The following RBP3 variants were observed in gnomAD, a reference collection of about 807,000 sequenced individuals.
RBP3 encodes the protein retinol-binding protein 3.
In RBP3, 50 loss-of-function variants were observed where a neutral mutation model predicts 64.8. The observed-to-expected ratio is 0.77, with a 90% CI of 0.61 to 0.98. RBP3 has a LOEUF of 0.98. RBP3 is among the 50% of genes least tolerant of loss of function. RBP3 has a pLI of 0.00. For synonymous variants in RBP3, 828 were observed against 730.2 expected, an observed-to-expected ratio of 1.13 and a Z score of -2.16; for missense variants, 1,712 against 1,660.5, an observed-to-expected ratio of 1.03 and a Z score of -0.54.
Position 47,352,311 on chromosome 10 carries a change from T to C in RBP3, c.3054+773T>C, listed in dbSNP as rs543463832. 3.9e-5 allele frequency among the ~76,000 whole-genome samples: 6 copies of C among 152,326 alleles called. No homozygotes were observed. In the East Asian group the frequency reaches 1.2e-3, roughly 29 times the overall value. ...TCTGCAGGCAGGGCCCAGTGGTTCC[T>C]GTCCCGCATTGGCCAAGAGTTGCCC... On this transcript the variant is annotated intron_variant, in intron 1 of 3. Transcript: ENST00000584701.
Position 47,353,349 on chromosome 10 carries a change from G to T in RBP3, c.3079G>T (p.Glu1027Ter), listed in dbSNP as rs1837003551. The T allele has an allele frequency of 2.5e-6, 4 of 1,614,054 alleles. No homozygotes were observed. Among genetic ancestry groups the T allele is most frequent in the Non-Finnish European group, 2.5e-6 (3 of 1,180,042 alleles). The change falls in exon 2 of 4, where the codon GAG (glutamate) becomes TAG (stop). Residue 1027 changes from glutamate (E) to a stop codon, truncating the protein, a stop_gained. Transcript: ENST00000584701. LOFTEE classifies it high-confidence loss of function. ...MQIPSPEVFE[E>*]LIKFSFHTNV... ...GATCCCTTCCCCTGAAGTATTTGAA[G>T]AGCTGATCAAGTTTTCCTTCCACAC...
Position 47,351,085 on chromosome 10 carries a change from C to T in RBP3, c.2601C>T (p.Val867=). 1 of 1,612,354 alleles carries T rather than the reference C, an allele frequency of 6.2e-7. No individual in the cohort carries two copies. Among genetic ancestry groups the T allele is most frequent in the Non-Finnish European group, 8.5e-7 (1 of 1,179,984 alleles). The change falls in exon 1 of 4, where the codon GTC becomes GTT. Residue 867 remains valine (V), a synonymous_variant. Coordinates refer to ENST00000584701, the MANE Select transcript of RBP3 (RefSeq NM_002900.3). ...TGCAGGACCTGCAGCGGGCCACGGT[C>T]ATTGGGGAGCCCACGGCCGGAGGCG... ...HTMQDLQRAT[V]IGEPTAGGAL...
At position 47,350,431 on chromosome 10, in the gene RBP3, C is replaced by A. The variant is rs782638114; in HGVS notation, c.1947C>A (p.Ala649=). The part of the protein sequence containing the change: ...LVEGTGHLLE[A]HYARPEVVGQ... The stretch of plus-strand genomic sequence containing the variant: ...AGGGCACAGGGCACCTGCTGGAGGC[C>A]CACTATGCTCGGCCAGAGGTCGTGG... Residue 649 remains alanine, a synonymous_variant, in exon 1 of 4, where the codon GCC becomes GCA. Transcript: ENST00000584701. The A allele has an allele frequency of 1.9e-6, 3 of 1,612,168 alleles. No homozygotes were observed. The highest frequency in any genetic ancestry group is 2.5e-6 in the Non-Finnish European group (3 of 1,179,810).
At position 47,351,176 on chromosome 10, in the gene RBP3, G is replaced by T; in HGVS notation, c.2692G>T (p.Ala898Ser). ...ATATGCATCCATGCCCACCCAGATG[G>T]CCATGAGTGCCACCACAGGCAAGGC... ...PLYASMPTQM[A>S]MSATTGKAWD... The change falls in exon 1 of 4, where the codon GCC becomes TCC. Residue 898 changes from alanine to serine, a missense_variant. Transcript: ENST00000584701. The T allele has an allele frequency of 6.2e-7, 1 of 1,613,140 alleles. No homozygotes were observed. The highest frequency in any genetic ancestry group is 8.5e-7 in the Non-Finnish European group (1 of 1,180,032).
chr10:47,351,457 G>C lies in RBP3; in HGVS notation c.2973G>C (p.Met991Ile), dbSNP rs781838577. The change falls in exon 1 of 4, where the codon ATG (methionine) becomes ATC (isoleucine). Residue 991 changes from methionine to isoleucine, a missense_variant. By Grantham distance (10) the Met-to-Ile change is conservative (BLOSUM62 1). Transcript: ENST00000584701. Reference protein sequence around the residue: ...LAEILGADLQMLSGDPHLKAA... With the variant: ...LAEILGADLQILSGDPHLKAA... ...AGATCCTGGGGGCTGACCTGCAGAT[G>C]CTCTCCGGAGACCCACACCTGAAGG... 6.2e-7 allele frequency: 1 copy of C among 1,613,732 alleles called. No homozygotes were observed. The highest frequency in any genetic ancestry group is 1.7e-5 in the Admixed American group (1 of 60,012).
Position 47,348,782 on chromosome 10 carries a change from C to G in RBP3, c.298C>G (p.Pro100Ala), listed in dbSNP as rs560668153. ...SYEPSTPEPPPQVPALTSLSE... is the reference protein window; with the variant it reads ...SYEPSTPEPPAQVPALTSLSE... ...TGAGCCCAGCACCCCCGAGCCTCCC[C>G]CACAAGTCCCAGCACTCACCAGCCT... Residue 100 changes from proline to alanine, a missense_variant, in exon 1 of 4, where the codon CCA (proline) becomes GCA (alanine). Physicochemically the swap from Pro to Ala is conservative, Grantham distance 27. Transcript: ENST00000584701. 1 of 1,613,762 alleles carries G rather than the reference C, an allele frequency of 6.2e-7. No individual in the cohort carries two copies. Among genetic ancestry groups the G allele is most frequent in the African/African-American group, 1.3e-5 (1 of 75,064 alleles).
chr10:47,348,766 C>A lies in RBP3; in HGVS notation c.282C>A (p.Ser94Arg), dbSNP rs1339157521. Residue 94 changes from serine (S) to arginine (R), a missense_variant, in exon 1 of 4, where the codon AGC (serine) becomes AGA (arginine). Ser to Arg is a moderately radical substitution (Grantham distance 110). Coordinates refer to ENST00000584701, the MANE Select transcript of RBP3 (RefSeq NM_002900.3). The part of the protein sequence containing the change: ...DPRLVISYEP[S>R]TPEPPPQVPA... ...GCCTGGTCATCTCCTATGAGCCCAG[C>A]ACCCCCGAGCCTCCCCCACAAGTCC... 3.1e-6 allele frequency: 5 copies of A among 1,613,498 alleles called. No individual in the cohort carries two copies. In the African/African-American group the frequency reaches 4.0e-5, roughly 13 times the overall value.
chr10:47,356,736 A>T (rs373425380), intron 3 of RBP3, among the ~76,000 whole-genome samples: 1 of 152,134 alleles, frequency 6.6e-6, no homozygotes, highest in East Asian at 1.9e-4. Flanking sequence ...TATACATCAC[A>T]AATTGGGCTT....
chr10:47,356,984 G>A, intron 3 of RBP3, 118 bp from the exon 4 acceptor site: 2 of 864,114 alleles, frequency 2.3e-6, no homozygotes, highest in South Asian at 1.5e-5. Flanking sequence ...GTGGACACAA[G>A]GACACAGACC....
At chr10:47,354,686 C>A (rs1837023345) in intron 2 of RBP3, among the ~76,000 whole-genome samples, 1 of 152,198 alleles carries the variant, frequency 6.6e-6, no homozygotes, top group Non-Finnish European at 1.5e-5. Context: ...AAGACCCTCC[C>A]ACCCCTGAGG....
At chr10:47,353,009 T>C (rs1413535277) in intron 1 of RBP3, among the ~76,000 whole-genome samples, 4 of 152,072 alleles carry the variant, frequency 2.6e-5, no homozygotes, top group African/African-American at 9.7e-5. Flanking sequence ...TGGAGCAGCT[T>C]AGAGACATAG....
chr10:47,350,045 T>A lies in RBP3; in HGVS notation c.1561T>A (p.Phe521Ile), dbSNP rs782438374. 1 of 1,612,984 alleles carries A rather than the reference T, an allele frequency of 6.2e-7. No homozygotes were observed. Among genetic ancestry groups the A allele is most frequent in the Admixed American group, 1.7e-5 (1 of 59,998 alleles). ...DRRTNITQEH[F>I]SHMELPGPRY... ...CCGCACCAACATCACGCAGGAGCAC[T>A]TCAGCCACATGGAGCTCCCGGGCCC... Residue 521 changes from phenylalanine to isoleucine, a missense_variant, in exon 1 of 4, where the codon TTC becomes ATC. By Grantham distance (21) the Phe-to-Ile change is conservative (BLOSUM62 0). Coordinates refer to ENST00000584701, the MANE Select transcript of RBP3 (RefSeq NM_002900.3).
At chr10:47,353,030 G>T (rs1177436252) in intron 1 of RBP3, among the ~76,000 whole-genome samples, 3 of 152,244 alleles carry the variant, frequency 2.0e-5, no homozygotes, top group Non-Finnish European at 4.4e-5. Context: ...GAAGTATCTG[G>T]TAAGGTTGGA....
At chr10:47,356,159 G>C (rs563737834) in intron 3 of RBP3, among the ~76,000 whole-genome samples, 74 of 152,298 alleles carry the variant, frequency 4.9e-4, no homozygotes, top group African/African-American at 1.8e-3. Context: ...TGGAGAGACC[G>C]ATGGGGGTGT....
rs1555210975 is a variant in RBP3 at position 47,349,092 on chromosome 10, C to A, written c.608C>A (p.Pro203His). 1.2e-6 allele frequency: 2 copies of A among 1,614,066 alleles called. No individual in the cohort carries two copies. The change falls in exon 1 of 4, where the codon CCC (proline) becomes CAC (histidine). Residue 203 changes from proline (P) to histidine (H), a missense_variant. Coordinates refer to ENST00000584701, the MANE Select transcript of RBP3 (RefSeq NM_002900.3). ...ILHVDTIYNRPSNTTTEIWTL... is the reference protein window; with the variant it reads ...ILHVDTIYNRHSNTTTEIWTL... ...CACGTGGACACTATCTACAACCGCC[C>A]CTCCAACACCACCACGGAGATCTGG...
chr10:47,352,302 A>G (rs1555211672), intron 1 of RBP3, among the ~76,000 whole-genome samples: 2 of 152,154 alleles, frequency 1.3e-5, no homozygotes, highest in East Asian at 1.9e-4. Flanking sequence ...GGCAGGGCCC[A>G]GTGGTTCCTG....
chr10:47,357,564 G>A lies in RBP3; in HGVS notation c.*107G>A, dbSNP rs1555212096. The A allele has an allele frequency of 1.1e-6, 1 of 912,974 alleles. No individual in the cohort carries two copies. The highest frequency in any genetic ancestry group is 1.7e-6 in the Non-Finnish European group (1 of 590,878). The allele number at this position is 912,974 out of a possible 1,614,324, so 56.6% of individuals were successfully genotyped here. A position where few individuals can be genotyped will look rare whatever the true frequency, so the allele number is the denominator to read the frequency against. The stretch of plus-strand genomic sequence containing the variant: ...CTGAGGTTCCCAGGAGCAGCAAAGG[G>A]GCCTGCTGAGCTCTGGTTAGGTTAC... On this transcript the variant is annotated 3_prime_UTR_variant, in exon 4 of 4. Transcript: ENST00000584701.
At chr10:47,355,562 T>C in intron 3 of RBP3, 44 bp downstream of exon 3, 1 of 1,613,730 alleles carries the variant, frequency 6.2e-7, no homozygotes, top group Non-Finnish European at 8.5e-7. Flanking sequence ...TTCTAGAAGC[T>C]TCTGGGAAAC....
At position 47,351,408 on chromosome 10, in the gene RBP3, T is replaced by C. The variant is rs559034038; in HGVS notation, c.2924T>C (p.Val975Ala). The C allele has an allele frequency of 3.7e-6, 6 of 1,613,576 alleles. No homozygotes were observed. In the African/African-American group the frequency reaches 6.7e-5, roughly 18 times the overall value. The change falls in exon 1 of 4, where the codon GTG becomes GCG. Residue 975 changes from valine to alanine, a missense_variant. Coordinates refer to ENST00000584701, the MANE Select transcript of RBP3 (RefSeq NM_002900.3). Reference protein sequence around the residue: ...LSGLQSRYSRVTSEVALAEIL... With the variant: ...LSGLQSRYSRATSEVALAEIL... The stretch of plus-strand genomic sequence containing the variant: ...GGTCTGCAGAGCCGCTACTCCAGGG[T>C]GACCTCAGAAGTGGCCCTAGCCGAG...
Sources: allele counts gnomAD v4.1 joint callset (sites outside exome capture counted in the v4.1 genomes callset), GRCh38; gene constraint gnomAD v4.1.1; transcripts MANE v1.5; gene names NCBI Gene and HGNC (gene_info 2026-07-23, HGNC 2026-07-21).